Variants in DAD1 observed in about 807,000 individuals in gnomAD.
DAD1 encodes the protein dolichyl-diphosphooligosaccharide--protein glycosyltransferase subunit DAD1.
DAD1 carries 4 observed loss-of-function variants against 9.0 expected under a neutral mutation model. The ratio of observed to expected loss-of-function variants is 0.44; its 90% confidence interval spans 0.22 to 1.01. The LOEUF is 1.01. DAD1 is among the 50% of genes least tolerant of loss of function. The probability of loss-of-function intolerance (pLI) is 0.24; values close to 1 mark genes in which losing one functional copy is unlikely to be tolerated. For missense variants in DAD1, 119 were observed against 137.3 expected (o/e 0.87, Z 0.67); for synonymous variants, 60 against 62.5 (o/e 0.96, Z 0.19).
chr14:22,568,856 C>A (rs901900581), intron 2 of DAD1, among the ~76,000 whole-genome samples: 3 of 152,186 alleles, frequency 2.0e-5, no homozygotes, highest in East Asian at 1.9e-4. Flanking sequence ...CGCCACCACG[C>A]CCCTCTAATT....
In DAD1 at chr14:22,589,096, G is replaced by A; in HGVS notation, c.62C>T (p.Pro21Leu). 1.2e-6 allele frequency: 2 copies of A among 1,614,202 alleles called. No individual in the cohort carries two copies. The highest frequency in any genetic ancestry group is 1.7e-6 in the Non-Finnish European group (2 of 1,180,038). Residue 21 changes from proline (P) to leucine (L), a missense_variant, in exon 1 of 3, where the codon CCG becomes CTG. Pro to Leu is a moderately conservative substitution (Grantham distance 98). Transcript: ENST00000250498. The stretch of plus-strand genomic sequence containing the variant: ...CGCGTCCAGCAACTTCAGACGCTGC[G>A]GAGTGGAGCTCAAGTACTCTTCTAA... ...RFLEEYLSST[P>L]QRLKLLDAYL...
At chr14:22,582,887 T>C (rs1594884309) in intron 1 of DAD1, among the ~76,000 whole-genome samples, 2 of 150,868 alleles carry the variant, frequency 1.3e-5, no homozygotes, top group East Asian at 3.9e-4. Flanking sequence ...GTGCCTGTAA[T>C]CCCAGCTACT....
chr14:22,573,486 G>T lies in DAD1; in HGVS notation c.*44+1573C>A, dbSNP rs553772228. On this transcript the variant is annotated intron_variant, in intron 2 of 2. Coordinates refer to ENST00000250498, the MANE Select transcript of DAD1 (RefSeq NM_001344.4). ...TTTTTCACTGTTGGGAGGCCAAGGC[G>T]GGCGGATCACCAGGTCAGGAGATCG... is the stretch of plus-strand genomic sequence containing the variant. Among the ~76,000 whole-genome samples, 18 of 151,958 alleles carry T rather than the reference G, an allele frequency of 1.2e-4. 1 individual carries two copies. The highest frequency in any genetic ancestry group is 4.3e-4 in the African/African-American group (18 of 41,448).
At chr14:22,572,956 C>G (rs948425809) in intron 2 of DAD1, among the ~76,000 whole-genome samples, 4 of 152,222 alleles carry the variant, frequency 2.6e-5, no homozygotes, top group African/African-American at 9.6e-5. Context: ...AGGTTATCCA[C>G]TGGTAACAGT....
intron 2 of DAD1, among the ~76,000 whole-genome samples, chr14:22,571,103 C>T (rs2037035936): frequency 6.6e-6 from 1 of 151,174 alleles, no homozygotes; most frequent in African/African-American, 2.4e-5. Context: ...GCGAGTGGAT[C>T]ACGAGGACAG....
At chr14:22,587,492 A>G (rs1313067185) in intron 1 of DAD1, among the ~76,000 whole-genome samples, 1 of 152,196 alleles carries the variant, frequency 6.6e-6, no homozygotes, top group Non-Finnish European at 1.5e-5. Context: ...TGGTCGGATG[A>G]TGGTTAACAC....
chr14:22,571,324 A>AAAAAAAAAG (rs1555305620), intron 2 of DAD1, among the ~76,000 whole-genome samples: 4 of 151,598 alleles, frequency 2.6e-5, no homozygotes, highest in African/African-American at 9.7e-5. Context: ...AAAAAAAAAA[A>AAAAAAAAAG]AAAAAGAATT....
chr14:22,576,195 A>G (rs2037076783), intron 1 of DAD1, among the ~76,000 whole-genome samples: 1 of 152,360 alleles, frequency 6.6e-6, no homozygotes, highest in East Asian at 1.9e-4. Flanking sequence ...CCTTCTATTT[A>G]GGGATAATGA....
chr14:22,574,542 A>G (rs958732299), intron 2 of DAD1, among the ~76,000 whole-genome samples: 1 of 152,202 alleles, frequency 6.6e-6, no homozygotes, highest in South Asian at 2.1e-4. Flanking sequence ...ATCCCATCTT[A>G]TATTTTAAAG....
At chr14:22,588,881 C>A in intron 1 of DAD1, 66 bp downstream of exon 1, 1 of 1,524,222 alleles carries the variant, frequency 6.6e-7, no homozygotes. Flanking sequence ...ATATAGAGTA[C>A]TATGAAAACA....
chr14:22,580,100 G>T (rs540883370), intron 1 of DAD1, among the ~76,000 whole-genome samples: 81 of 151,966 alleles, frequency 5.3e-4, no homozygotes, highest in African/African-American at 1.8e-3. Flanking sequence ...TTACAGACAT[G>T]AGCCCCCACA....
chr14:22,587,026 A>C (rs1302317172), intron 1 of DAD1, among the ~76,000 whole-genome samples: 3 of 152,186 alleles, frequency 2.0e-5, no homozygotes, highest in African/African-American at 7.2e-5. Flanking sequence ...TTCAATGACA[A>C]GCCACCTAGT....
At chr14:22,575,885 G>A (rs1173221770) in intron 1 of DAD1, among the ~76,000 whole-genome samples, 3 of 152,190 alleles carry the variant, frequency 2.0e-5, no homozygotes, top group Non-Finnish European at 4.4e-5. Context: ...CAAACCAGCT[G>A]GAACCTGGCA....
intron 2 of DAD1, among the ~76,000 whole-genome samples, chr14:22,571,510 T>C (rs995547145): frequency 9.9e-5 from 15 of 151,908 alleles, no homozygotes; most frequent in Admixed American, 8.5e-4. Flanking sequence ...AGAAGCTCAC[T>C]GGGAGAATTT....
intron 1 of DAD1, among the ~76,000 whole-genome samples, chr14:22,585,726 T>G (rs2037147097): frequency 6.6e-6 from 1 of 152,174 alleles, no homozygotes; most frequent in Non-Finnish European, 1.5e-5. Context: ...TTTTAAAGGT[T>G]TGGTAGCGTT....
rs5742868 is a variant in DAD1, at chr14:22,565,575, G to C, written c.*45-438C>G. Among the ~76,000 whole-genome samples the C allele has an allele frequency of 2.2e-4, 34 of 152,282 alleles. No individual in the cohort carries two copies. In the Middle Eastern group the frequency reaches 0.01, roughly 46 times the overall value. ...TGGGGAGGCAGGGTAGGGAAGTAAG[G>C]ATTCAAGAAAGAAAGAAAAATTCCC... On this transcript the variant is annotated intron_variant, in intron 2 of 2. Coordinates refer to ENST00000250498, the MANE Select transcript of DAD1 (RefSeq NM_001344.4).
At chr14:22,585,231 AAAT>A (rs1317188455) in intron 1 of DAD1, among the ~76,000 whole-genome samples, 3 of 152,226 alleles carry the variant, frequency 2.0e-5, no homozygotes, top group African/African-American at 7.2e-5. Flanking sequence ...TTTTAAGACA[AAAT>A]TACCTCATAT....
intron 1 of DAD1, among the ~76,000 whole-genome samples, chr14:22,577,393 C>T (rs1005047878): frequency 2.0e-5 from 3 of 152,126 alleles, no homozygotes; most frequent in South Asian, 2.1e-4. Flanking sequence ...GACATCACTC[C>T]GTCCCACTCC....
At position 22,588,372 on chromosome 14, in the gene DAD1, A is replaced by G. The variant is rs2037168217; in HGVS notation, c.211+575T>C. 2.0e-5 allele frequency among the ~76,000 whole-genome samples: 3 copies of G among 152,256 alleles called. No individual in the cohort carries two copies. In the South Asian group the frequency reaches 6.2e-4, roughly 31 times the overall value. ...CAAGGTTACCAAATCCTGGAATCAA[A>G]AGGAAAAATAAGGCTAAAATAGAGT... On this transcript the variant is annotated intron_variant, in intron 1 of 2. Coordinates refer to ENST00000250498, the MANE Select transcript of DAD1 (RefSeq NM_001344.4).
Sources: gnomAD v4.1 joint callset for allele counts (sites outside exome capture counted in the v4.1 genomes callset) on GRCh38, gnomAD v4.1.1 for gene constraint, MANE v1.5 for transcripts, NCBI Gene and HGNC (gene_info 2026-07-23, HGNC 2026-07-21) for gene names.